The following POC1B variants were observed in gnomAD, a reference collection of about 807,000 sequenced individuals.
POC1B encodes POC1 centriolar protein B.
In POC1B, 44 loss-of-function variants were observed where a neutral mutation model predicts 60.6. The observed-to-expected ratio is 0.73, with a 90% CI of 0.57 to 0.93. The LOEUF (loss-of-function observed/expected upper bound fraction) is 0.93. POC1B is among the 40% of genes least tolerant of loss of function. The probability of loss-of-function intolerance (pLI) is 0.00; values close to 1 mark genes in which losing one functional copy is unlikely to be tolerated. For missense variants in POC1B, 555 were observed against 572.3 expected (o/e 0.97, Z 0.31); for synonymous variants, 180 against 198.9 (o/e 0.90, Z 0.80).
intron 10 of POC1B, among the ~76,000 whole-genome samples, chr12:89,452,243 G>A (rs1279768695): frequency 1.3e-5 from 2 of 152,050 alleles, no homozygotes; most frequent in African/African-American, 4.8e-5. Flanking sequence ...AGTAGTCCGG[G>A]GCGTCACAGT....
chr12:89,523,564 G>GT, intron 2 of POC1B: 1 of 1,593,838 alleles, frequency 6.3e-7, no homozygotes, highest in Non-Finnish European at 8.5e-7. Context: ...TTCCATTCCT[G>GT]TGTCATACGT....
chr12:89,492,148 T>A, intron 3 of POC1B, 33 bp from the exon 4 acceptor site: 1 of 1,410,514 alleles, frequency 7.1e-7, no homozygotes, highest in Non-Finnish European at 9.5e-7. Context: ...TTATAACTCA[T>A]TTGATTTAAT....
chr12:89,493,187 C>T (rs564652973), intron 3 of POC1B, among the ~76,000 whole-genome samples: 97 of 152,322 alleles, frequency 6.4e-4, no homozygotes, highest in African/African-American at 2.2e-3. Context: ...CCCCAGACCC[C>T]CTTGGCCAAG....
At chr12:89,475,910 C>T (rs190431163) in intron 4 of POC1B, among the ~76,000 whole-genome samples, 371 of 85,804 alleles carry the variant, frequency 4.3e-3, no homozygotes, top group Middle Eastern at 8.6e-3. Flanking sequence ...TGAGGGAATT[C>T]TTTTTTTTTT....
intron 10 of POC1B, chr12:89,425,903 A>G (rs1382152501): frequency 1.3e-5 from 2 of 152,816 alleles, no homozygotes; most frequent in Non-Finnish European, 2.9e-5. Context: ...CTACGTATAC[A>G]TCCAGGAGAA....
At chr12:89,422,764 C>T (rs1464119364) in intron 11 of POC1B, among the ~76,000 whole-genome samples, 3 of 152,082 alleles carry the variant, frequency 2.0e-5, no homozygotes, top group Non-Finnish European at 4.4e-5. Flanking sequence ...ATTTGGTTAC[C>T]TAATGGTAGA....
At chr12:89,445,461 C>G (rs1301509186) in intron 10 of POC1B, among the ~76,000 whole-genome samples, 3 of 152,108 alleles carry the variant, frequency 2.0e-5, no homozygotes, top group Non-Finnish European at 4.4e-5. Context: ...CACACATCTA[C>G]CACCATCTGA....
intron 2 of POC1B, among the ~76,000 whole-genome samples, chr12:89,518,447 A>C (rs1370105862): frequency 1.3e-5 from 2 of 152,234 alleles, no homozygotes; most frequent in Non-Finnish European, 2.9e-5. Flanking sequence ...TCTAGCATGC[A>C]AAGAGAAATC....
the POC1B span, among the ~76,000 whole-genome samples, chr12:89,406,571 C>T: frequency 1.6e-3 from 246 of 152,140 alleles, no homozygotes; most frequent in Non-Finnish European, 3.2e-3. Flanking sequence ...CGTTCTGGCA[C>T]GAATCCATCA....
Position 89,423,133 on chromosome 12 carries a change from T to TGGG in POC1B, c.1333-1877_1333-1876insCCC, listed in dbSNP as rs1438514213. ...GATCTTCCCACCTCGGTCTCCTGGG[T>TGGG]AGCTGTGACCATAGGTGCGTGCCAC... On this transcript the variant is annotated intron_variant, in intron 11 of 11. Coordinates refer to ENST00000313546, the MANE Select transcript of POC1B (RefSeq NM_172240.3). Among the ~76,000 whole-genome samples the TGGG allele has an allele frequency of 6.9e-3, 1,044 of 151,542 alleles. 13 individuals carry two copies. The highest frequency in any genetic ancestry group is 0.025 in the African/African-American group (1,014 of 40,822).
chr12:89,487,472 T>C (rs919490934), intron 4 of POC1B, among the ~76,000 whole-genome samples: 1 of 152,216 alleles, frequency 6.6e-6, no homozygotes. Context: ...GGTAGTCTTA[T>C]GGCATCACTC....
chr12:89,502,541 A>G (rs551337788), intron 2 of POC1B: 4 of 1,121,462 alleles, frequency 3.6e-6, no homozygotes, highest in Admixed American at 3.9e-5. Flanking sequence ...GACTAGCTTA[A>G]TGGTAAATCT....
chr12:89,500,720 G>C, intron 2 of POC1B: 1 of 1,296,162 alleles, frequency 7.7e-7, no homozygotes, highest in Non-Finnish European at 1.1e-6. Flanking sequence ...ATTAAACTTT[G>C]AAGATAAAGT....
rs1461215229 is a variant in POC1B at position 89,503,727 on chromosome 12, C to T, written c.101-6385G>A. 1.2e-4 allele frequency among the ~76,000 whole-genome samples: 15 copies of T among 123,358 alleles called. 1 individual carries two copies. Among genetic ancestry groups the T allele is most frequent in the East Asian group, 1.2e-3 (4 of 3,434 alleles). The allele number at this position is 123,358 out of a possible 152,430, so 80.9% of individuals were successfully genotyped here. A position where few individuals can be genotyped will look rare whatever the true frequency, so the allele number is the denominator to read the frequency against. On this transcript the variant is annotated intron_variant, in intron 2 of 11. Coordinates refer to ENST00000313546, the MANE Select transcript of POC1B (RefSeq NM_172240.3). The stretch of plus-strand genomic sequence containing the variant: ...GAGGTGAGGAGCGTCTCTGCCCGGC[C>T]GCCCCGTCTGAGAAGTGAGGAGCCC...
At chr12:89,457,141 C>T (rs906751070) in intron 10 of POC1B, among the ~76,000 whole-genome samples, 2 of 152,148 alleles carry the variant, frequency 1.3e-5, no homozygotes, top group African/African-American at 4.8e-5. Context: ...TTTTAAATTA[C>T]AATCACATGC....
intron 10 of POC1B, among the ~76,000 whole-genome samples, chr12:89,438,565 TG>T (rs1196728235): frequency 1.3e-5 from 2 of 152,386 alleles, no homozygotes; most frequent in East Asian, 3.9e-4. Flanking sequence ...TTGGCAATGC[TG>T]ACTCCATCGT....
At chr12:89,417,361 G>A (rs1192495746), downstream of POC1B, among the ~76,000 whole-genome samples, 1 of 152,162 alleles carries the variant, frequency 6.6e-6, no homozygotes, top group African/African-American at 2.4e-5. Context: ...TAAGGCTGCT[G>A]TTCCACTTTA....
chr12:89,497,007 G>GAA (rs34013079), intron 3 of POC1B, 164 bp downstream of exon 3: 4 of 692,332 alleles, frequency 5.8e-6, no homozygotes, highest in African/African-American at 3.5e-5. Flanking sequence ...TAATTTTGAG[G>GAA]AAAAAAATTG....
intron 6 of POC1B, among the ~76,000 whole-genome samples, chr12:89,471,042 T>C (rs76547427): frequency 0.012 from 1,814 of 152,352 alleles, 36 homozygotes; most frequent in African/African-American, 0.042. Flanking sequence ...TTAATTACCC[T>C]ATTTAAATCT....
Sources: allele counts gnomAD v4.1 joint callset (sites outside exome capture counted in the v4.1 genomes callset), GRCh38; gene constraint gnomAD v4.1.1; transcripts MANE v1.5; gene names NCBI Gene and HGNC (gene_info 2026-07-23, HGNC 2026-07-21).